SGK1: variants seen among roughly 807,000 people sequenced by gnomAD.
SGK1 encodes serum/glucocorticoid regulated kinase 1, also known as serine/threonine-protein kinase Sgk1.
SGK1 carries 26 observed loss-of-function variants against 64.2 expected under a neutral mutation model. The ratio of observed to expected loss-of-function variants is 0.40; its 90% confidence interval spans 0.30 to 0.56. The LOEUF (loss-of-function observed/expected upper bound fraction) is 0.56, where lower values mean the gene tolerates loss of function less well. SGK1 is among the 20% of genes least tolerant of loss of function. The pLI is 0.38. For synonymous variants in SGK1, 265 were observed against 239.7 expected, an observed-to-expected ratio of 1.11 and a Z score of -0.98; for missense variants, 519 against 645.6, an observed-to-expected ratio of 0.80 and a Z score of 2.12.
rs1776919949 is a variant in SGK1, at chr6:134,270,331, A to G, written c.70-8183T>C. Among the ~76,000 whole-genome samples the G allele has an allele frequency of 1.4e-5, 2 of 147,272 alleles. 1 individual carries two copies. The highest frequency in any genetic ancestry group is 1.4e-4 in the Admixed American group (2 of 14,318). The stretch of plus-strand genomic sequence containing the variant: ...ATATTAAGCCTATGTCACCTTTCCA[A>G]CTGGATCATAAGCATGAGAATAGCT... On this transcript the variant is annotated intron_variant, in intron 1 of 13. Coordinates refer to ENST00000367858, the MANE Select transcript of SGK1 (RefSeq NM_001143676.3).
chr6:134,317,146 G>C (rs1777698822), intron 1 of SGK1, among the ~76,000 whole-genome samples: 1 of 152,020 alleles, frequency 6.6e-6, no homozygotes, highest in Non-Finnish European at 1.5e-5. Flanking sequence ...CCCATTCCCA[G>C]CTCAAACCCG....
chr6:134,191,862 G>A (rs1313689402), intron 3 of SGK1, among the ~76,000 whole-genome samples: 9 of 11,122 alleles, frequency 8.1e-4, no homozygotes, highest in Non-Finnish European at 2.1e-3. Flanking sequence ...TTGAGACAGA[G>A]TCTCGCTCTG....
chr6:134,271,182 G>A (rs528647761), intron 1 of SGK1, among the ~76,000 whole-genome samples: 8 of 135,172 alleles, frequency 5.9e-5, no homozygotes, highest in African/African-American at 1.3e-4. Context: ...AGTCGGGCGC[G>A]GGGGCACATG....
intron 1 of SGK1, among the ~76,000 whole-genome samples, chr6:134,303,552 A>T (rs9493892): frequency 0.2 from 30,143 of 151,762 alleles, 3,070 homozygotes; most frequent in East Asian, 0.35. Context: ...GTTCAGATTT[A>T]AAAAAAAGAT....
intron 1 of SGK1, among the ~76,000 whole-genome samples, chr6:134,308,299 A>C (rs1777564175): frequency 1.3e-5 from 2 of 152,218 alleles, no homozygotes. Context: ...TTTAATTCTC[A>C]AACTATTAAC....
intron 1 of SGK1, among the ~76,000 whole-genome samples, chr6:134,275,682 A>T (rs1201450289): frequency 2.0e-5 from 3 of 152,180 alleles, no homozygotes; most frequent in Non-Finnish European, 4.4e-5. Flanking sequence ...TAAAATCTAA[A>T]TATCTTGGCC....
chr6:134,240,109 T>G (rs1743937), intron 2 of SGK1, among the ~76,000 whole-genome samples: 1 of 151,888 alleles, frequency 6.6e-6, no homozygotes, highest in African/African-American at 2.4e-5. Context: ...CTGGCCAACA[T>G]GGTGAAACCC....
chr6:134,252,616 CAAAAAAAAAAA>C (rs11418007), intron 2 of SGK1, among the ~76,000 whole-genome samples: 6 of 65,990 alleles, frequency 9.1e-5, no homozygotes, highest in African/African-American at 3.1e-4. Context: ...GATTCCACCT[CAAAAAAAAAAA>C]AAAAAAAAAA....
Position 134,173,974 on chromosome 6 carries a change from C to T in SGK1, c.513+31G>A, listed in dbSNP as rs375671683. 3.5e-5 allele frequency: 52 copies of T among 1,503,896 alleles called. No homozygotes were observed. In the South Asian group the frequency reaches 4.6e-4, roughly 13 times the overall value. 93.2% of individuals were successfully genotyped at this position (1,503,896 alleles called of 1,614,324 possible). A position where few individuals can be genotyped will look rare whatever the true frequency, so the allele number is the denominator to read the frequency against. On this transcript the variant is annotated intron_variant, in intron 5 of 13. Coordinates refer to ENST00000367858, the MANE Select transcript of SGK1 (RefSeq NM_001143676.3). ...TACTAACTGACTCCCTTACAGTTCT[C>T]CACAGATGCACGGCACATACAAAAA...
intron 1 of SGK1, among the ~76,000 whole-genome samples, chr6:134,264,510 T>G (rs1174730518): frequency 6.6e-5 from 10 of 152,206 alleles, no homozygotes; most frequent in Admixed American, 6.6e-4. Context: ...TATTTCACTT[T>G]CATGCTCTTC....
chr6:134,297,601 C>T, intron 1 of SGK1: 1 of 475,930 alleles, frequency 2.1e-6, no homozygotes, highest in Non-Finnish European at 4.0e-6. Flanking sequence ...CTCCCAGGTT[C>T]AAGGGATTCT....
intron 3 of SGK1, among the ~76,000 whole-genome samples, chr6:134,198,001 G>A (rs1775623933): frequency 6.6e-6 from 1 of 152,010 alleles, no homozygotes; most frequent in Admixed American, 6.6e-5. Context: ...AAACATAAGT[G>A]GCCTCTAGGG....
chr6:134,231,969 G>A (rs1265513052), intron 2 of SGK1, among the ~76,000 whole-genome samples: 3 of 151,282 alleles, frequency 2.0e-5, no homozygotes, highest in Non-Finnish European at 4.4e-5. Context: ...AACCTGGGAG[G>A]TGGAGGTTGC....
chr6:134,197,260 A>G (rs947139983), intron 3 of SGK1, among the ~76,000 whole-genome samples: 2 of 152,144 alleles, frequency 1.3e-5, no homozygotes, highest in African/African-American at 4.8e-5. Flanking sequence ...AACAGCAACA[A>G]AAACCCTAAT....
chr6:134,296,887 G>C (rs1305166019), intron 1 of SGK1: 1 of 291,248 alleles, frequency 3.4e-6, no homozygotes, highest in Non-Finnish European at 6.7e-6. Flanking sequence ...GGCTAGGACT[G>C]AGCCTCAGGT....
At chr6:134,288,078 C>T (rs1382616088) in intron 1 of SGK1, among the ~76,000 whole-genome samples, 3 of 152,168 alleles carry the variant, frequency 2.0e-5, no homozygotes, top group Non-Finnish European at 4.4e-5. Flanking sequence ...GAGGGCTAAA[C>T]ATGACTCAGA....
chr6:134,253,424 G>A (rs920616177), intron 2 of SGK1, among the ~76,000 whole-genome samples: 4 of 151,530 alleles, frequency 2.6e-5, no homozygotes, highest in East Asian at 3.9e-4. Context: ...ATGAGCCACC[G>A]CGCCCAGCTG....
chr6:134,186,691 G>A (rs969912027), intron 3 of SGK1, among the ~76,000 whole-genome samples: 2 of 152,098 alleles, frequency 1.3e-5, no homozygotes, highest in African/African-American at 4.8e-5. Flanking sequence ...GAAGAGTCTG[G>A]GCCATTCACA....
Position 134,292,865 on chromosome 6 carries a change from C to T in SGK1, c.69+24527G>A, listed in dbSNP as rs182362814. Among the ~76,000 whole-genome samples the T allele has an allele frequency of 9.0e-4, 137 of 152,298 alleles. 1 individual carries two copies. Among genetic ancestry groups the T allele is most frequent in the African/African-American group, 3.1e-3 (128 of 41,568 alleles). On this transcript the variant is annotated intron_variant, in intron 1 of 13. Transcript: ENST00000367858. ...CTTTTAAAGAAGGTTGGAAGTACTA[C>T]TGATACATCTTCCCAATGATCAAAA...
Sources: gnomAD v4.1 joint callset for allele counts (sites outside exome capture counted in the v4.1 genomes callset) on GRCh38, gnomAD v4.1.1 for gene constraint, MANE v1.5 for transcripts, NCBI Gene and HGNC (gene_info 2026-07-23, HGNC 2026-07-21) for gene names.